Variants in TNS2 observed in about 807,000 individuals in gnomAD.
The protein encoded by TNS2 is tensin 2.
TNS2 carries 77 observed loss-of-function variants against 155.7 expected under a neutral mutation model. That is an observed-to-expected ratio of 0.49 (90% confidence interval 0.41 to 0.60). The LOEUF is 0.60. Ranked by LOEUF, TNS2 falls within the 20% of genes least tolerant of loss-of-function variation. The pLI is 0.00. For synonymous variants in TNS2, 726 were observed against 763.9 expected (o/e 0.95, Z 0.82); for missense variants, 1,703 against 1,868.8 (o/e 0.91, Z 1.64).
chr12:53,062,940 A>T, intron 25 of TNS2, 149 bp from the exon 26 acceptor site: 1 of 1,109,628 alleles, frequency 9.0e-7, no homozygotes, highest in Non-Finnish European at 1.3e-6. Context: ...CTGACTGTAG[A>T]TCCAGTAGAG....
rs1592254765 is a variant in TNS2, at chr12:53,059,776, AG to A, written c.2137del (p.Ala713LeufsTer43). 6.2e-7 allele frequency: 1 copy of A among 1,612,274 alleles called. No homozygotes were observed. The highest frequency in any genetic ancestry group is 8.5e-7 in the Non-Finnish European group (1 of 1,179,522). On this transcript the variant is annotated frameshift_variant, in exon 18 of 29. Coordinates refer to ENST00000314250, the MANE Select transcript of TNS2 (RefSeq NM_170754.4). LOFTEE classifies it high-confidence loss of function. This position sits in a 1 kb window ranked among gnomAD's most constrained non-coding sequence, Gnocchi z 4.7. Reference sequence around the variant, plus strand: ...TTGTATGGACTGCGGCTGGAGAGGGAGGCTGGAGAAGGGTGGGCAAGTGAGG... The same window carrying A: ...TTGTATGGACTGCGGCTGGAGAGGGAGCTGGAGAAGGGTGGGCAAGTGAGG... ...AALYGLRLEREAGEGWASEAG... is the reference protein window; with the variant it reads ...AALYGLRLERXAGEGWASEAG...
At chr12:53,053,055 G>A in intron 3 of TNS2, 1 of 372,576 alleles carries the variant, frequency 2.7e-6, no homozygotes, top group South Asian at 2.2e-5. Context: ...CCCTGGAGCT[G>A]GCTTGGGGGA....
In TNS2 at chr12:53,059,704, A is replaced by C. The variant is rs918205353; in HGVS notation, c.2063A>C (p.Tyr688Ser). Reference sequence around the variant, plus strand: ...GAGGACCCTGGGCTGCCTGCCCTATACCCATGCCCAGCCTGCGAGGAGAAG... The same window carrying C: ...GAGGACCCTGGGCTGCCTGCCCTATCCCCATGCCCAGCCTGCGAGGAGAAG... ...ILEDPGLPAL[Y>S]PCPACEEKLA... The change falls in exon 18 of 29, where the codon TAC (tyrosine) becomes TCC (serine). Residue 688 changes from tyrosine (Y) to serine (S), a missense_variant. Transcript: ENST00000314250. This position sits in a 1 kb window ranked among gnomAD's most constrained non-coding sequence, Gnocchi z 4.7. The C allele has an allele frequency of 5.0e-6, 8 of 1,612,834 alleles. No homozygotes were observed. The African/African-American group carries it at 8.0e-5, about 16-fold the overall frequency.
In TNS2 at chr12:53,060,313, T is replaced by C; in HGVS notation, c.2617+55T>C. On this transcript the variant is annotated intron_variant, in intron 18 of 28. Coordinates refer to ENST00000314250, the MANE Select transcript of TNS2 (RefSeq NM_170754.4). The surrounding 1 kb of genome is among the most constrained non-coding windows in gnomAD (Gnocchi z 6.1). ...GGGCAGAGGAGGTTCTGGAAGATGG[T>C]GGGGAAGTCAAGGGGGAACAGGGTG... 2 of 1,551,794 alleles carry C rather than the reference T, an allele frequency of 1.3e-6. No individual in the cohort carries two copies. The highest frequency in any genetic ancestry group is 1.7e-6 in the Non-Finnish European group (2 of 1,147,198).
rs1009274511 is a variant in TNS2 at position 53,061,486 on chromosome 12, C to A, written c.3448+17C>A. On this transcript the variant is annotated intron_variant, in intron 21 of 28. Coordinates refer to ENST00000314250, the MANE Select transcript of TNS2 (RefSeq NM_170754.4). ...GTGACCAAGGTGAGAAGCCAGCCTG[C>A]CCCCACCCCACTGCATCCCACCTTC... 4 of 1,612,922 alleles carry A rather than the reference C, an allele frequency of 2.5e-6. No individual in the cohort carries two copies. Among genetic ancestry groups the A allele is most frequent in the Non-Finnish European group, 8.5e-7 (1 of 1,178,984 alleles).
Position 53,064,037 on chromosome 12 carries a change from T to C in TNS2, c.*155T>C, listed in dbSNP as rs1365414710. On this transcript the variant is annotated 3_prime_UTR_variant, in exon 29 of 29. Transcript: ENST00000314250. Reference sequence around the variant, plus strand: ...ATCAGGCCTGGGACACTGCTCTCCTTCCCCGCCCCCAGCCTGCTAAGTTAA... The same window carrying C: ...ATCAGGCCTGGGACACTGCTCTCCTCCCCCGCCCCCAGCCTGCTAAGTTAA... 7 of 782,378 alleles carry C rather than the reference T, an allele frequency of 8.9e-6. No homozygotes were observed. In the Admixed American group the frequency reaches 2.1e-4, roughly 23 times the overall value. The allele number at this position is 782,378 out of a possible 1,614,324, so 48.5% of individuals were successfully genotyped here. A position where few individuals can be genotyped will look rare whatever the true frequency, so the allele number is the denominator to read the frequency against.
Position 53,062,235 on chromosome 12 carries a change from G to T in TNS2, c.3657G>T (p.Glu1219Asp). 1.2e-6 allele frequency: 2 copies of T among 1,614,036 alleles called. No homozygotes were observed. The highest frequency in any genetic ancestry group is 1.7e-6 in the Non-Finnish European group (2 of 1,179,960). ...TGAAGATCAAGGGCTGCCCCAGTGA[G>T]CCCTACTTTGGTGAGAAGCAGGAGC... is the stretch of plus-strand genomic sequence containing the variant. ...KGVKIKGCPS[E>D]PYFGSLSALV... Residue 1219 changes from glutamate to aspartate, a missense_variant, in exon 23 of 29, where the codon GAG becomes GAT. Transcript: ENST00000314250.
chr12:53,059,874 C>G lies in TNS2; in HGVS notation c.2233C>G (p.His745Asp). ...TCTGCTCTTGCCTGCCTGTGGGCAT[C>G]ACCATGCCCCGATGCCTGACTACAG... The part of the protein sequence containing the change: ...LPLLLPACGH[H>D]HAPMPDYSCL... Residue 745 changes from histidine to aspartate, a missense_variant, in exon 18 of 29, where the codon CAC becomes GAC. Transcript: ENST00000314250. The surrounding 1 kb of genome is among the most constrained non-coding windows in gnomAD (Gnocchi z 4.7). 8.7e-6 allele frequency: 14 copies of G among 1,613,044 alleles called. No individual in the cohort carries two copies. The highest frequency in any genetic ancestry group is 1.2e-5 in the Non-Finnish European group (14 of 1,179,920).
rs1469945557 is a variant in TNS2, at chr12:53,050,693, G to A, written c.75+433G>A. On this transcript the variant is annotated intron_variant, in intron 1 of 28. Transcript: ENST00000314250. This position sits in a 1 kb window ranked among gnomAD's most constrained non-coding sequence, Gnocchi z 4.7. ...GAGTCAGGAGTGCTTTGGAACTGGAGGTTTGCTTTCCACTGACAACATCCA... is the reference window on the plus strand; with the variant it reads ...GAGTCAGGAGTGCTTTGGAACTGGAAGTTTGCTTTCCACTGACAACATCCA... Among the ~76,000 whole-genome samples, 1 of 152,138 alleles carries A rather than the reference G, an allele frequency of 6.6e-6. No individual in the cohort carries two copies. Among genetic ancestry groups the A allele is most frequent in the Non-Finnish European group, 1.5e-5 (1 of 68,030 alleles).
At chr12:53,062,970 A>T in intron 25 of TNS2, 119 bp from the exon 26 acceptor site, 1 of 1,357,508 alleles carries the variant, frequency 7.4e-7, no homozygotes, top group Non-Finnish European at 9.9e-7. Flanking sequence ...CTGCCTTTTT[A>T]ACAAGTCACC....
rs376247545 is a variant in TNS2 at position 53,059,831 on chromosome 12, G to A, written c.2190G>A (p.Arg730=). The A allele has an allele frequency of 3.7e-6, 6 of 1,612,944 alleles. No individual in the cohort carries two copies. Among genetic ancestry groups the A allele is most frequent in the Non-Finnish European group, 5.1e-6 (6 of 1,179,946 alleles). ...GCAAGCCTCTCCTGCACCCAGTGCG[G>A]CCTGGGCACCCGCTGCCTCTGCTCT... is the stretch of plus-strand genomic sequence containing the variant. ...EAGKPLLHPV[R]PGHPLPLLLP... The change falls in exon 18 of 29, where the codon CGG becomes CGA. Residue 730 remains arginine, a synonymous_variant. Coordinates refer to ENST00000314250, the MANE Select transcript of TNS2 (RefSeq NM_170754.4). The surrounding 1 kb of genome is among the most constrained non-coding windows in gnomAD (Gnocchi z 4.7).
At chr12:53,053,855 G>C in intron 5 of TNS2, 43 bp downstream of exon 5, 1 of 1,613,838 alleles carries the variant, frequency 6.2e-7, no homozygotes, top group Non-Finnish European at 8.5e-7. Flanking sequence ...GGTAGCTTTG[G>C]GAGTAAGGAT....
upstream of TNS2, among the ~76,000 whole-genome samples, chr12:53,048,021 G>A (rs1943789701): frequency 6.6e-6 from 1 of 152,188 alleles, no homozygotes; most frequent in Admixed American, 6.5e-5. Context: ...GAGAGAGGGG[G>A]CCCGGCTGGG....
At chr12:53,057,876 GC>G (rs749749314) in intron 13 of TNS2, 43 bp downstream of exon 13, 2 of 1,613,074 alleles carry the variant, frequency 1.2e-6, no homozygotes, top group African/African-American at 2.7e-5. Flanking sequence ...CATGACCAGG[GC>G]CCCTCTTGCT....
upstream of TNS2, chr12:53,048,886 TG>T: frequency 3.1e-6 from 1 of 321,076 alleles, no homozygotes; most frequent in Non-Finnish European, 5.7e-6. Context: ...AAGCCAGGGC[TG>T]GGGGAGTTGC....
At chr12:53,053,334 G>A in intron 3 of TNS2, 77 bp from the exon 4 acceptor site, 1 of 1,569,696 alleles carries the variant, frequency 6.4e-7, no homozygotes, top group Non-Finnish European at 8.8e-7. Context: ...TCCTCCTGAA[G>A]CTGAGGGGCT....
rs1264080306 is a variant in TNS2, at chr12:53,058,202, A to G, written c.1095+100A>G. On this transcript the variant is annotated intron_variant, in intron 14 of 28. Transcript: ENST00000314250. ...ATTTGAGACAGATTGGAGAGCGAGTAGGGAGATCACCTTGAGATCGAGGCA... is the reference window on the plus strand; with the variant it reads ...ATTTGAGACAGATTGGAGAGCGAGTGGGGAGATCACCTTGAGATCGAGGCA... 1.1e-5 allele frequency: 17 copies of G among 1,607,554 alleles called. No homozygotes were observed. In the East Asian group the frequency reaches 3.3e-4, roughly 32 times the overall value.
At position 53,055,706 on chromosome 12, in the gene TNS2, G is replaced by A. The variant is rs749849159; in HGVS notation, c.696+16G>A. 2.3e-5 allele frequency: 37 copies of A among 1,614,050 alleles called. No individual in the cohort carries two copies. Among genetic ancestry groups the A allele is most frequent in the East Asian group, 8.9e-5 (4 of 44,904 alleles). ...ATACTGCAAGGTGGGCCAGGACCTC[G>A]GGTTCCCTGGTGCCTGGAGGTTCCA... On this transcript the variant is annotated intron_variant, in intron 9 of 28. Coordinates refer to ENST00000314250, the MANE Select transcript of TNS2 (RefSeq NM_170754.4).
intron 12 of TNS2, 40 bp downstream of exon 12, chr12:53,057,719 T>C: frequency 1.2e-6 from 2 of 1,613,636 alleles, no homozygotes; most frequent in African/African-American, 2.7e-5. Context: ...GAGAACCACC[T>C]TCAGGCCCTC....
Sources: gnomAD v4.1 joint callset for allele counts (sites outside exome capture counted in the v4.1 genomes callset) on GRCh38, gnomAD v4.1.1 for gene constraint, Gnocchi (gnomAD v3.1) non-coding constraint, MANE v1.5 for transcripts, NCBI Gene and HGNC (gene_info 2026-07-23, HGNC 2026-07-21) for gene names.